Variants in ACAN observed in about 807,000 individuals in gnomAD.
ACAN encodes the protein aggrecan core protein.
In ACAN, 47 loss-of-function variants were observed where a neutral mutation model predicts 169.1. The ratio of observed to expected loss-of-function variants is 0.28; its 90% CI spans 0.22 to 0.35. The LOEUF (loss-of-function observed/expected upper bound fraction) is 0.35. ACAN is among the 10% of genes least tolerant of loss of function. The pLI is 1.00. For missense variants in ACAN, 2,716 were observed against 2,759.9 expected, an observed-to-expected ratio of 0.98 and a Z score of 0.36; for synonymous variants, 1,115 against 1,112.2, an observed-to-expected ratio of 1.00 and a Z score of -0.05.
intron 1 of ACAN, among the ~76,000 whole-genome samples, chr15:88,830,377 C>G (rs1896329230): frequency 6.6e-6 from 1 of 152,196 alleles, no homozygotes; most frequent in South Asian, 2.1e-4. Context: ...GCAATTTTGT[C>G]ATCCAGCAAC....
intron 5 of ACAN, 56 bp downstream of exon 5, chr15:88,841,923 C>T (rs1169658555): frequency 1.9e-6 from 3 of 1,605,264 alleles, no homozygotes; most frequent in Non-Finnish European, 2.6e-6. Flanking sequence ...GCCACCTTCC[C>T]CTCCCCATCT....
intron 4 of ACAN, 120 bp downstream of exon 4, chr15:88,840,306 C>T (rs1448927028): frequency 3.9e-6 from 5 of 1,288,340 alleles, no homozygotes; most frequent in African/African-American, 1.5e-5. Context: ...CTGTGGCCAG[C>T]CTAGGTTAGA....
intron 1 of ACAN, among the ~76,000 whole-genome samples, chr15:88,834,487 C>T (rs985125222): frequency 2.6e-5 from 4 of 152,244 alleles, no homozygotes; most frequent in African/African-American, 7.2e-5. Context: ...CCCCAGCCGG[C>T]GGTGACTGAG....
At chr15:88,844,275 C>T (rs1414173049) in intron 6 of ACAN, among the ~76,000 whole-genome samples, 1 of 148,082 alleles carries the variant, frequency 6.8e-6, no homozygotes, top group Non-Finnish European at 1.5e-5. Flanking sequence ...ACTGGGAATA[C>T]AGGCACCACC....
intron 5 of ACAN, among the ~76,000 whole-genome samples, chr15:88,842,166 C>T (rs951703740): frequency 1.3e-5 from 2 of 152,140 alleles, no homozygotes; most frequent in Admixed American, 6.5e-5. Context: ...CAGCTGAGAC[C>T]CTGGCTGCTG....
chr15:88,811,108 G>T (rs2203642), intron 1 of ACAN, among the ~76,000 whole-genome samples: 1 of 151,946 alleles, frequency 6.6e-6, no homozygotes, highest in African/African-American at 2.4e-5. Context: ...TATAGAACAC[G>T]CCTTCCAAGG....
intron 1 of ACAN, among the ~76,000 whole-genome samples, chr15:88,810,357 G>GA (rs11446597): frequency 0.025 from 3,745 of 150,706 alleles, 107 homozygotes; most frequent in Admixed American, 0.064. Context: ...ATTTTGGGGG[G>GA]AAAAAAAAAC....
chr15:88,859,874 G>A (rs1302377635), intron 12 of ACAN, among the ~76,000 whole-genome samples: 1 of 152,130 alleles, frequency 6.6e-6, no homozygotes, highest in African/African-American at 2.4e-5. Flanking sequence ...TGGTGTTTAT[G>A]TCTGAATATT....
Position 88,838,705 on chromosome 15 carries a change from C to G in ACAN, c.113C>G (p.Pro38Arg). 2 of 1,606,432 alleles carry G rather than the reference C, an allele frequency of 1.2e-6. No homozygotes were observed. The change falls in exon 3 of 19, where the codon CCG (proline) becomes CGG (arginine). Residue 38 changes from proline to arginine, a missense_variant. By Grantham distance (103) the Pro-to-Arg change is moderately radical. Coordinates refer to ENST00000560601, the MANE Select transcript of ACAN (RefSeq NM_001369268.1). The surrounding 1 kb of genome is among the most constrained non-coding windows in gnomAD (Gnocchi z 5.1). Reference protein sequence around the residue: ...SLSVSIPQPSPLRVLLGTSLT... With the variant: ...SLSVSIPQPSRLRVLLGTSLT... ...AGTGTCAGCATCCCCCAACCGTCCCCGCTGAGGGTCCTCCTGGGGACCTCC... is the reference window on the plus strand; with the variant it reads ...AGTGTCAGCATCCCCCAACCGTCCCGGCTGAGGGTCCTCCTGGGGACCTCC...
At chr15:88,831,829 T>C (rs1380812169) in intron 1 of ACAN, among the ~76,000 whole-genome samples, 1 of 151,966 alleles carries the variant, frequency 6.6e-6, no homozygotes, top group African/African-American at 2.4e-5. Context: ...TAAAGAGAGG[T>C]CCAGAAGGCC....
At chr15:88,831,047 A>C (rs1896348238) in intron 1 of ACAN, among the ~76,000 whole-genome samples, 1 of 152,222 alleles carries the variant, frequency 6.6e-6, no homozygotes, top group Non-Finnish European at 1.5e-5. Context: ...AGGAAAAGAA[A>C]GAAAAAGAAA....
chr15:88,860,459 T>C lies in ACAN; in HGVS notation c.6946+20T>C. On this transcript the variant is annotated intron_variant, in intron 13 of 18. Coordinates refer to ENST00000560601, the MANE Select transcript of ACAN (RefSeq NM_001369268.1). ...ACATAGGTAAGGCCCTCATTGGCCG[T>C]GGAGAGTGAGGGCGGAGGCGCTGGA... 6.3e-7 allele frequency: 1 copy of C among 1,599,208 alleles called. No individual in the cohort carries two copies. The highest frequency in any genetic ancestry group is 8.6e-7 in the Non-Finnish European group (1 of 1,168,012).
chr15:88,807,364 G>A lies in ACAN; in HGVS notation c.-8+3555G>A, dbSNP rs374707860. 1.1e-4 allele frequency among the ~76,000 whole-genome samples: 17 copies of A among 152,334 alleles called. No homozygotes were observed. Among genetic ancestry groups the A allele is most frequent in the East Asian group, 9.6e-4 (5 of 5,186 alleles). ...CTCCTGCTGTCAACGGCCTGGCCTC[G>A]TGGCCATGCTTCGTGTCCTGATGGT... On this transcript the variant is annotated intron_variant, in intron 1 of 18. Transcript: ENST00000560601. This position sits in a 1 kb window ranked among gnomAD's most constrained non-coding sequence, Gnocchi z 4.0.
rs1204433804 is a variant in ACAN, at chr15:88,858,775, C to A, written c.6190C>A (p.Pro2064Thr). The A allele has an allele frequency of 2.5e-6, 4 of 1,613,814 alleles. No individual in the cohort carries two copies. The highest frequency in any genetic ancestry group is 1.1e-5 in the South Asian group (1 of 91,076). Residue 2064 changes from proline (P) to threonine (T), a missense_variant, in exon 12 of 19, where the codon CCC (proline) becomes ACC (threonine). By Grantham distance (38) the Pro-to-Thr change is conservative. This residue lies in a region of ACAN where 1,389 missense variants were observed against 1,363.7 expected (regional missense o/e 1.02). Coordinates refer to ENST00000560601, the MANE Select transcript of ACAN (RefSeq NM_001369268.1). The surrounding 1 kb of genome is among the most constrained non-coding windows in gnomAD (Gnocchi z 4.0). ...CCAAAGGCCCCCTGTGACACACACACCCCAGCTTTTTGAGTCCAGTGGAAA... is the reference window on the plus strand; with the variant it reads ...CCAAAGGCCCCCTGTGACACACACAACCCAGCTTTTTGAGTCCAGTGGAAA... ...LGQRPPVTHT[P>T]QLFESSGKVS...
At chr15:88,811,798 G>A (rs996127006) in intron 1 of ACAN, among the ~76,000 whole-genome samples, 1 of 152,102 alleles carries the variant, frequency 6.6e-6, no homozygotes, top group Non-Finnish European at 1.5e-5. Flanking sequence ...CCCTGGAGCT[G>A]AGTAAAGAGG....
At chr15:88,824,515 C>T (rs1220249221) in intron 1 of ACAN, among the ~76,000 whole-genome samples, 13 of 152,140 alleles carry the variant, frequency 8.5e-5, no homozygotes, top group Non-Finnish European at 1.8e-4. Flanking sequence ...TCCCTGCCCT[C>T]ATGGGGTGTA....
intron 1 of ACAN, among the ~76,000 whole-genome samples, chr15:88,816,607 G>A (rs1286900882): frequency 6.6e-6 from 1 of 152,180 alleles, no homozygotes; most frequent in Non-Finnish European, 1.5e-5. Flanking sequence ...ACCAGGACTT[G>A]AACTCATGAC....
chr15:88,804,697 T>A (rs1721852384), intron 1 of ACAN, among the ~76,000 whole-genome samples: 1 of 152,194 alleles, frequency 6.6e-6, no homozygotes. Flanking sequence ...GGGTGGGGGC[T>A]TGTCTCTGGT....
rs1897370400 is a variant in ACAN, at chr15:88,871,205, C to G, written c.7061-177C>G. ...TCCCGAGTGGAAGCATGTGCAGAGG[C>G]TCCCAGGGACCAGACCAGTTTCCAA... On this transcript the variant is annotated intron_variant, in intron 14 of 18. Transcript: ENST00000560601. This position sits in a 1 kb window ranked among gnomAD's most constrained non-coding sequence, Gnocchi z 7.8. 6.6e-6 allele frequency among the ~76,000 whole-genome samples: 1 copy of G among 152,178 alleles called. No individual in the cohort carries two copies. The highest frequency in any genetic ancestry group is 1.5e-5 in the Non-Finnish European group (1 of 68,034).
Sources: allele counts gnomAD v4.1 joint callset (sites outside exome capture counted in the v4.1 genomes callset), GRCh38; gene constraint gnomAD v4.1.1; regional missense constraint gnomAD v4.1.1; non-coding constraint Gnocchi (gnomAD v3.1); transcripts MANE v1.5; gene names NCBI Gene and HGNC (gene_info 2026-07-23, HGNC 2026-07-21).